ATL1: variants seen among roughly 807,000 people sequenced by gnomAD.
The protein encoded by ATL1 is atlastin GTPase 1, also known as atlastin-1.
ATL1 carries 31 observed loss-of-function variants against 75.5 expected under a neutral mutation model. The observed-to-expected ratio is 0.41, with a 90% CI of 0.31 to 0.55. ATL1 has a LOEUF of 0.55. Among genes scored for constraint, ATL1 ranks in the 20% least tolerant of loss-of-function variants. The pLI is 0.27. For missense variants in ATL1, 405 were observed against 662.6 expected (o/e 0.61, Z 4.27); for synonymous variants, 226 against 233.3 (o/e 0.97, Z 0.28).
intron 1 of ATL1, among the ~76,000 whole-genome samples, chr14:50,574,941 A>G (rs896486565): frequency 1.4e-3 from 104 of 75,776 alleles, no homozygotes; most frequent in Middle Eastern, 5.1e-3. Flanking sequence ...GTGTGTGTAT[A>G]TATATATATA....
At chr14:50,623,140 A>T (rs764681524) in intron 10 of ATL1, 37 bp from the exon 11 acceptor site, 2 of 1,579,158 alleles carry the variant, frequency 1.3e-6, no homozygotes, top group Non-Finnish European at 1.7e-6. Flanking sequence ...ATCAATATGA[A>T]CTGCATTTTA....
intron 1 of ATL1, among the ~76,000 whole-genome samples, chr14:50,552,387 A>T (rs776351718): frequency 4.6e-5 from 7 of 152,218 alleles, no homozygotes; most frequent in Non-Finnish European, 1.0e-4. Flanking sequence ...AAATGGAAAC[A>T]CATCCCATGC....
chr14:50,629,684 AAATG>A (rs1349207217), intron 12 of ATL1, among the ~76,000 whole-genome samples: 15 of 152,208 alleles, frequency 9.9e-5, no homozygotes, highest in Non-Finnish European at 1.9e-4. Context: ...GCACAATGGG[AAATG>A]AATGAAGTAA....
chr14:50,544,820 G>T (rs959434755), intron 1 of ATL1, among the ~76,000 whole-genome samples: 1 of 150,882 alleles, frequency 6.6e-6, no homozygotes, highest in Non-Finnish European at 1.5e-5. Context: ...CGCTATAAAT[G>T]CAGCTACTCA....
At chr14:50,545,808 G>A (rs1417504367) in intron 1 of ATL1, among the ~76,000 whole-genome samples, 1 of 152,216 alleles carries the variant, frequency 6.6e-6, no homozygotes, top group Non-Finnish European at 1.5e-5. Context: ...TCAAAGGCAT[G>A]CCAGGTTTTC....
intron 1 of ATL1, among the ~76,000 whole-genome samples, chr14:50,562,920 G>A (rs897103973): frequency 1.3e-5 from 2 of 152,112 alleles, no homozygotes; most frequent in Admixed American, 6.5e-5. Context: ...AACACAGTAG[G>A]CATTTAGTAA....
intron 13 of ATL1, among the ~76,000 whole-genome samples, chr14:50,631,295 C>A (rs534216945): frequency 5.2e-4 from 78 of 151,058 alleles, no homozygotes; most frequent in Non-Finnish European, 8.1e-4. Flanking sequence ...CAAAAAAAAA[C>A]CAGATCCAAA....
chr14:50,620,755 G>A (rs377261628), intron 9 of ATL1, 29 bp downstream of exon 9: 2 of 1,610,528 alleles, frequency 1.2e-6, no homozygotes, highest in African/African-American at 2.7e-5. Context: ...GAGCATTCGT[G>A]GGATAGATTT....
chr14:50,552,648 A>T (rs2038716860), intron 1 of ATL1, among the ~76,000 whole-genome samples: 1 of 152,232 alleles, frequency 6.6e-6, no homozygotes, highest in Non-Finnish European at 1.5e-5. Flanking sequence ...ACAACGTGGT[A>T]CTGCTATAAA....
chr14:50,619,677 C>T (rs2039448824), intron 8 of ATL1, among the ~76,000 whole-genome samples: 1 of 152,196 alleles, frequency 6.6e-6, no homozygotes, highest in African/African-American at 2.4e-5. Context: ...CAACTACATA[C>T]TCATACTACC....
chr14:50,584,275 G>A (rs1678545236), intron 1 of ATL1, among the ~76,000 whole-genome samples: 1 of 152,176 alleles, frequency 6.6e-6, no homozygotes, highest in African/African-American at 2.4e-5. Flanking sequence ...CTACTCGGGA[G>A]GTTGAGGTGG....
intron 1 of ATL1, among the ~76,000 whole-genome samples, chr14:50,550,907 G>A (rs1224504492): frequency 6.6e-6 from 1 of 152,122 alleles, no homozygotes; most frequent in African/African-American, 2.4e-5. Context: ...GGTGCTAAGA[G>A]GGAAGGTCAT....
rs1247422328 is a variant in ATL1 at position 50,574,933 on chromosome 14, G to GTA, written c.35-12897_35-12896insAT. Among the ~76,000 whole-genome samples the GTA allele has an allele frequency of 5.6e-3, 256 of 45,836 alleles. 3 individuals carry two copies. The highest frequency in any genetic ancestry group is 0.011 in the African/African-American group (119 of 11,234). The allele number at this position is 45,836 out of a possible 152,430, so 30.1% of individuals were successfully genotyped here. ...AGTGTGTGTGTGTGTGTGTGTGTGTGTGTGTATATATATATATATATATAT... is the reference window on the plus strand; with the variant it reads ...AGTGTGTGTGTGTGTGTGTGTGTGTGTATGTGTATATATATATATATATATAT... On this transcript the variant is annotated intron_variant, in intron 1 of 13. Transcript: ENST00000358385.
intron 1 of ATL1, among the ~76,000 whole-genome samples, chr14:50,552,061 G>A (rs2038709174): frequency 6.6e-6 from 1 of 152,168 alleles, no homozygotes; most frequent in Admixed American, 6.5e-5. Flanking sequence ...TGGAAAAGAG[G>A]AAGTCAAACT....
chr14:50,560,460 A>T, intron 1 of ATL1, 161 bp downstream of exon 1: 1 of 975,346 alleles, frequency 1.0e-6, no homozygotes, highest in Non-Finnish European at 1.6e-6. Context: ...CGGAGGAACC[A>T]TGGCCGAGCG....
At chr14:50,594,943 G>A (rs936050948) in intron 5 of ATL1, among the ~76,000 whole-genome samples, 1 of 148,808 alleles carries the variant, frequency 6.7e-6, no homozygotes, top group Admixed American at 6.8e-5. Context: ...AGGCTGCAGT[G>A]AGCAGAGATC....
intron 11 of ATL1, among the ~76,000 whole-genome samples, chr14:50,624,561 C>A (rs114692519): frequency 0.012 from 1,784 of 152,044 alleles, 41 homozygotes; most frequent in African/African-American, 0.041. Flanking sequence ...TGAGGCACAA[C>A]AATATTGAAA....
chr14:50,582,052 G>A (rs528116666), intron 1 of ATL1, among the ~76,000 whole-genome samples: 1 of 152,092 alleles, frequency 6.6e-6, no homozygotes. Flanking sequence ...AGGCCGAGGC[G>A]GGCGGATCAC....
Position 50,632,389 on chromosome 14 carries a change from C to T in ATL1, c.*50C>T, listed in dbSNP as rs377229860. The T allele has an allele frequency of 1.2e-5, 15 of 1,248,336 alleles. No homozygotes were observed. The highest frequency in any genetic ancestry group is 1.0e-4 in the African/African-American group (7 of 67,180). The allele number at this position is 1,248,336 out of a possible 1,614,324, so 77.3% of individuals were successfully genotyped here. ...CATGACCAATTGTCAATTAAATATTCAGTTTTATGTCTCCATGCAAACATT... is the reference window on the plus strand; with the variant it reads ...CATGACCAATTGTCAATTAAATATTTAGTTTTATGTCTCCATGCAAACATT... On this transcript the variant is annotated 3_prime_UTR_variant, in exon 14 of 14. Coordinates refer to ENST00000358385, the MANE Select transcript of ATL1 (RefSeq NM_015915.5).
Sources: allele counts gnomAD v4.1 joint callset (sites outside exome capture counted in the v4.1 genomes callset), GRCh38; gene constraint gnomAD v4.1.1; transcripts MANE v1.5; gene names NCBI Gene and HGNC (gene_info 2026-07-23, HGNC 2026-07-21).